FBN1: variants seen among roughly 807,000 people sequenced by gnomAD.
FBN1 encodes fibrillin 1.
A neutral mutation model predicts 365.1 loss-of-function variants in FBN1; 29 were observed. The observed-to-expected ratio is 0.08, with a 90% CI of 0.06 to 0.11. FBN1 has a LOEUF of 0.11. Among genes scored for constraint, FBN1 ranks in the 10% least tolerant of loss-of-function variants. The pLI is 1.00. For missense variants in FBN1, 2,476 were observed against 3,703.2 expected (o/e 0.67, Z 8.60); for synonymous variants, 1,210 against 1,270.5 (o/e 0.95, Z 1.01).
chr15:48,453,970 T>C (rs764403180), intron 44 of FBN1, among the ~76,000 whole-genome samples: 1 of 152,212 alleles, frequency 6.6e-6, no homozygotes, highest in East Asian at 1.9e-4. Context: ...AAAAAAGTCA[T>C]GAAACTTGGC....
At chr15:48,558,105 C>T (rs990932563) in intron 6 of FBN1, among the ~76,000 whole-genome samples, 1 of 152,184 alleles carries the variant, frequency 6.6e-6, no homozygotes, top group African/African-American at 2.4e-5. Context: ...AACTCCATTT[C>T]CCCTCTCCCT....
chr15:48,413,968 A>G (rs985425223), intron 64 of FBN1, among the ~76,000 whole-genome samples: 1 of 152,222 alleles, frequency 6.6e-6, no homozygotes, highest in Non-Finnish European at 1.5e-5. Flanking sequence ...GGATGAAGTG[A>G]TAAATGCTCA....
chr15:48,459,164 G>C (rs1044174803), intron 43 of FBN1, among the ~76,000 whole-genome samples: 1 of 152,232 alleles, frequency 6.6e-6, no homozygotes, highest in Admixed American at 6.5e-5. Context: ...CAAACTTGGA[G>C]GGCAGCCTTG....
At chr15:48,485,300 C>T (rs781000620) in intron 30 of FBN1, 74 bp downstream of exon 30, 60 of 1,609,552 alleles carry the variant, frequency 3.7e-5, no homozygotes, top group Admixed American at 1.3e-4. Context: ...CTGCTTGACT[C>T]CAAAGCCTGG....
At chr15:48,506,415 T>C (rs2043708199) in intron 15 of FBN1, among the ~76,000 whole-genome samples, 1 of 152,228 alleles carries the variant, frequency 6.6e-6, no homozygotes, top group Non-Finnish European at 1.5e-5. Context: ...AGGTTCTGTG[T>C]ACAGATTGTA....
At chr15:48,419,900 A>G (rs758777542) in intron 63 of FBN1, among the ~76,000 whole-genome samples, 3 of 152,238 alleles carry the variant, frequency 2.0e-5, no homozygotes, top group African/African-American at 4.8e-5. Flanking sequence ...CTTGAAAGGC[A>G]GCTCTACATC....
intron 32 of FBN1, among the ~76,000 whole-genome samples, chr15:48,475,170 A>G (rs1240332268): frequency 1.3e-5 from 2 of 152,110 alleles, no homozygotes; most frequent in Non-Finnish European, 2.9e-5. Context: ...TTATTTCTAC[A>G]AAAGCTTTCC....
chr15:48,544,918 A>G (rs1047129591), intron 6 of FBN1, among the ~76,000 whole-genome samples: 2 of 152,218 alleles, frequency 1.3e-5, no homozygotes, highest in African/African-American at 4.8e-5. Context: ...TTTACCATCA[A>G]GATAATAAAA....
intron 2 of FBN1, 99 bp downstream of exon 2, chr15:48,644,507 C>G: frequency 6.4e-7 from 1 of 1,571,376 alleles, no homozygotes; most frequent in African/African-American, 1.4e-5. Context: ...CCCAGGAGGT[C>G]TTGCCAAGGA....
chr15:48,473,345 A>G (rs2141278700), intron 34 of FBN1, among the ~76,000 whole-genome samples: 1 of 152,358 alleles, frequency 6.6e-6, no homozygotes, highest in South Asian at 2.1e-4. Flanking sequence ...CTCAGGATAA[A>G]TCAATGTTTT....
chr15:48,479,050 T>C (rs2043447091), intron 32 of FBN1, among the ~76,000 whole-genome samples: 1 of 152,204 alleles, frequency 6.6e-6, no homozygotes, highest in Non-Finnish European at 1.5e-5. Flanking sequence ...TAAGTAGACA[T>C]ATTCCTTTTG....
intron 29 of FBN1, 138 bp downstream of exon 29, chr15:48,486,937 T>A: frequency 1.7e-6 from 1 of 587,832 alleles, no homozygotes; most frequent in South Asian, 5.1e-5. Context: ...TAAGTAAAAG[T>A]AGCGATGAAA....
At position 48,520,647 on chromosome 15, in the gene FBN1, A is replaced by C; in HGVS notation, c.1147+12T>G. The C allele has an allele frequency of 6.2e-7, 1 of 1,613,796 alleles. No homozygotes were observed. The highest frequency in any genetic ancestry group is 8.5e-7 in the Non-Finnish European group (1 of 1,179,810). On this transcript the variant is annotated intron_variant, in intron 10 of 65. Transcript: ENST00000316623. The stretch of plus-strand genomic sequence containing the variant: ...GATGGGATATTCTGCAGATAACTGG[A>C]AGGGCTCTTACCGGTTGCTCTGATG...
chr15:48,645,279 G>T (rs1566945066), intron 1 of FBN1, among the ~76,000 whole-genome samples: 2 of 152,190 alleles, frequency 1.3e-5, no homozygotes, highest in African/African-American at 2.4e-5. Flanking sequence ...CGCTCTGAAC[G>T]CCCCACTCCT....
At chr15:48,506,274 T>C (rs1357533850) in intron 15 of FBN1, among the ~76,000 whole-genome samples, 2 of 152,146 alleles carry the variant, frequency 1.3e-5, no homozygotes, top group Non-Finnish European at 2.9e-5. Context: ...TAACAACTCC[T>C]TTTATAATAT....
chr15:48,554,490 A>T (rs2141376894), intron 6 of FBN1, among the ~76,000 whole-genome samples: 1 of 152,334 alleles, frequency 6.6e-6, no homozygotes, highest in African/African-American at 2.4e-5. Context: ...AACCATGGTA[A>T]CACAGAAGCA....
chr15:48,447,351 T>C (rs1051078875), intron 46 of FBN1, among the ~76,000 whole-genome samples: 1 of 152,158 alleles, frequency 6.6e-6, no homozygotes, highest in Non-Finnish European at 1.5e-5. Flanking sequence ...CATAAAAACA[T>C]AGAACAACTT....
chr15:48,622,462 T>A (rs1464982339), intron 2 of FBN1, among the ~76,000 whole-genome samples: 1 of 152,212 alleles, frequency 6.6e-6, no homozygotes, highest in Non-Finnish European at 1.5e-5. Flanking sequence ...ATCCCACTGA[T>A]GAAATTCCCC....
chr15:48,644,469 TA>T, intron 2 of FBN1, 136 bp downstream of exon 2: 2 of 1,234,698 alleles, frequency 1.6e-6, no homozygotes, highest in Non-Finnish European at 2.3e-6. Flanking sequence ...GGGTGGGGAC[TA>T]AACAACCCTA....
Sources: allele counts gnomAD v4.1 joint callset (sites outside exome capture counted in the v4.1 genomes callset), GRCh38; gene constraint gnomAD v4.1.1; transcripts MANE v1.5; gene names NCBI Gene and HGNC (gene_info 2026-07-23, HGNC 2026-07-21).